Variants in STXBP5L observed in about 807,000 individuals in gnomAD.
STXBP5L encodes the protein syntaxin binding protein 5L.
STXBP5L carries 65 observed loss-of-function variants against 144.5 expected under a neutral mutation model. That is an observed-to-expected ratio of 0.45 (90% CI 0.37 to 0.55). The LOEUF (loss-of-function observed/expected upper bound fraction) is 0.55, where lower values mean the gene tolerates loss of function less well. STXBP5L is among the 20% of genes least tolerant of loss of function. STXBP5L has a pLI of 0.00. For missense variants in STXBP5L, 1,298 were observed against 1,405.5 expected, an observed-to-expected ratio of 0.92 and a Z score of 1.22; for synonymous variants, 505 against 469.6, an observed-to-expected ratio of 1.08 and a Z score of -0.97.
intron 3 of STXBP5L, among the ~76,000 whole-genome samples, chr3:121,002,783 G>C (rs892193409): frequency 9.5e-5 from 13 of 137,312 alleles, no homozygotes; most frequent in Non-Finnish European, 1.5e-4. Flanking sequence ...TCAATTCCCA[G>C]CTATGAGTGA....
intron 9 of STXBP5L, among the ~76,000 whole-genome samples, chr3:121,169,983 C>G (rs867878828): frequency 6.6e-6 from 1 of 152,100 alleles, no homozygotes; most frequent in Non-Finnish European, 1.5e-5. Flanking sequence ...GAACAGATAT[C>G]ATAACAAACA....
rs570827128 is a variant in STXBP5L at position 121,306,841 on chromosome 3, A to G, written c.2111-11634A>G. ...TTAAATTAGATCAGAATACTGTACA[A>G]TGTATGTCCCAGGGTACTGTCAAAA... On this transcript the variant is annotated intron_variant, in intron 19 of 26. Transcript: ENST00000471454. Among the ~76,000 whole-genome samples, 7 of 152,260 alleles carry G rather than the reference A, an allele frequency of 4.6e-5. No individual in the cohort carries two copies. The East Asian group carries it at 9.6e-4, about 21-fold the overall frequency.
intron 3 of STXBP5L, among the ~76,000 whole-genome samples, chr3:121,027,575 G>C (rs1560021666): frequency 6.6e-6 from 1 of 151,988 alleles, no homozygotes; most frequent in East Asian, 1.9e-4. Context: ...CATCCTCAAA[G>C]TCCACAGTGG....
intron 9 of STXBP5L, among the ~76,000 whole-genome samples, chr3:121,175,908 T>C (rs2046915357): frequency 6.7e-6 from 1 of 150,002 alleles, no homozygotes; most frequent in Non-Finnish European, 1.5e-5. Flanking sequence ...AAAGCTAGTG[T>C]AGCTGTACTA....
chr3:121,047,547 G>T (rs938298319), intron 5 of STXBP5L, among the ~76,000 whole-genome samples: 2 of 152,146 alleles, frequency 1.3e-5, no homozygotes, highest in Admixed American at 1.3e-4. Flanking sequence ...TGTGTTGGGT[G>T]CATATATATT....
intron 9 of STXBP5L, among the ~76,000 whole-genome samples, chr3:121,199,969 T>G (rs1163113389): frequency 1.3e-5 from 2 of 152,066 alleles, no homozygotes; most frequent in Non-Finnish European, 1.5e-5. Context: ...TTCTGCCAGG[T>G]TTTGGTATCA....
intron 9 of STXBP5L, among the ~76,000 whole-genome samples, chr3:121,205,429 A>G (rs1218904127): frequency 1.3e-5 from 2 of 152,230 alleles, no homozygotes; most frequent in South Asian, 2.1e-4. Context: ...TAATTCATCC[A>G]TGAGGGCAAA....
chr3:121,046,659 A>G (rs1031521548), intron 5 of STXBP5L, among the ~76,000 whole-genome samples: 1 of 152,120 alleles, frequency 6.6e-6, no homozygotes, highest in African/African-American at 2.4e-5. Flanking sequence ...AGGTGTTCAT[A>G]GCAGTCTCTG....
intron 20 of STXBP5L, among the ~76,000 whole-genome samples, chr3:121,344,957 A>G (rs1308601895): frequency 1.3e-5 from 2 of 150,116 alleles, no homozygotes; most frequent in Non-Finnish European, 3.0e-5. Context: ...TTATATATAT[A>G]AGATTATATA....
At position 121,378,745 on chromosome 3, in the gene STXBP5L, A is replaced by G. The variant is rs781603243; in HGVS notation, c.2206A>G (p.Thr736Ala). 9.9e-6 allele frequency: 16 copies of G among 1,613,454 alleles called. No homozygotes were observed. The highest frequency in any genetic ancestry group is 6.7e-5 in the East Asian group (3 of 44,860). ...TGTAAATGGACACTGCACAAGTCCA[A>G]CTTCTCAGAGTTGCAGTTCTGGAAA... The part of the protein sequence containing the change: ...DHVNGHCTSP[T>A]SQSCSSGKRL... Residue 736 changes from threonine to alanine, a missense_variant, in exon 21 of 27, where the codon ACT becomes GCT. By Grantham distance (58) the Thr-to-Ala change is moderately conservative. Transcript: ENST00000471454.
intron 8 of STXBP5L, among the ~76,000 whole-genome samples, chr3:121,156,771 A>T (rs1229004256): frequency 6.6e-6 from 1 of 151,978 alleles, no homozygotes; most frequent in Non-Finnish European, 1.5e-5. Flanking sequence ...ATAAAAAGAC[A>T]GTATAGTATA....
At chr3:121,174,711 G>T (rs1468162147) in intron 9 of STXBP5L, among the ~76,000 whole-genome samples, 1 of 152,132 alleles carries the variant, frequency 6.6e-6, no homozygotes, top group African/African-American at 2.4e-5. Flanking sequence ...TAAGGTCTTT[G>T]TACCGTCTTT....
At chr3:121,225,765 G>C (rs1451864012) in intron 11 of STXBP5L, among the ~76,000 whole-genome samples, 3 of 152,194 alleles carry the variant, frequency 2.0e-5, no homozygotes, top group Non-Finnish European at 4.4e-5. Flanking sequence ...TGTTTCACCA[G>C]TCCAGAGGAC....
At chr3:120,933,109 A>T (rs1305494975) in intron 2 of STXBP5L, among the ~76,000 whole-genome samples, 1 of 151,670 alleles carries the variant, frequency 6.6e-6, no homozygotes, top group Non-Finnish European at 1.5e-5. Context: ...TGACGAGTTA[A>T]TGGGTGCAGC....
chr3:121,064,186 G>C lies in STXBP5L; in HGVS notation c.470+18651G>C, dbSNP rs143235137. Reference sequence around the variant, plus strand: ...TGTGGAAAGTGTAGTATCTGAGCCGGAATGCACAGTCCCTCACAGCTTCCC... The same window carrying C: ...TGTGGAAAGTGTAGTATCTGAGCCGCAATGCACAGTCCCTCACAGCTTCCC... On this transcript the variant is annotated intron_variant, in intron 5 of 26. Coordinates refer to ENST00000471454, the MANE Select transcript of STXBP5L (RefSeq NM_001308330.2). 2.9e-3 allele frequency among the ~76,000 whole-genome samples: 436 copies of C among 152,286 alleles called. 1 individual carries two copies. The highest frequency in any genetic ancestry group is 4.1e-3 in the Non-Finnish European group (277 of 68,024).
At chr3:121,255,949 A>G (rs986678991) in intron 16 of STXBP5L, among the ~76,000 whole-genome samples, 2 of 152,100 alleles carry the variant, frequency 1.3e-5, no homozygotes, top group African/African-American at 4.8e-5. Context: ...GCTAAAATTA[A>G]TATCACCCTT....
At chr3:121,186,879 A>C (rs1036563909) in intron 9 of STXBP5L, among the ~76,000 whole-genome samples, 3 of 152,188 alleles carry the variant, frequency 2.0e-5, no homozygotes, top group Non-Finnish European at 4.4e-5. Flanking sequence ...ATCTCACACC[A>C]GTTAGAATGG....
At chr3:121,197,556 A>G (rs140566146) in intron 9 of STXBP5L, among the ~76,000 whole-genome samples, 1,930 of 152,282 alleles carry the variant, frequency 0.013, 17 homozygotes, top group Non-Finnish European at 0.02. Context: ...TTACATAGGT[A>G]TACATGTGCC....
intron 10 of STXBP5L, among the ~76,000 whole-genome samples, chr3:121,211,942 T>G (rs184159867): frequency 1.3e-5 from 2 of 152,338 alleles, no homozygotes; most frequent in East Asian, 3.9e-4. Context: ...ATTGGGGTTT[T>G]GATTTGCATT....
Sources: gnomAD v4.1 joint callset for allele counts (sites outside exome capture counted in the v4.1 genomes callset) on GRCh38, gnomAD v4.1.1 for gene constraint, MANE v1.5 for transcripts, NCBI Gene and HGNC (gene_info 2026-07-23, HGNC 2026-07-21) for gene names.